The following CLIC6 variants were observed in gnomAD, a reference collection of about 807,000 sequenced individuals.
CLIC6 encodes chloride intracellular channel protein 6.
A neutral mutation model predicts 49.2 loss-of-function variants in CLIC6; 39 were observed. The ratio of observed to expected loss-of-function variants is 0.79; its 90% CI spans 0.61 to 1.04. The LOEUF is 1.04. Among genes scored for constraint, CLIC6 ranks in the 50% least tolerant of loss-of-function variants. The pLI, the probability that CLIC6 is intolerant of heterozygous loss-of-function variation, is 0.00. For synonymous variants in CLIC6, 446 were observed against 433.4 expected, an observed-to-expected ratio of 1.03 and a Z score of -0.36; for missense variants, 988 against 993.1, an observed-to-expected ratio of 0.99 and a Z score of 0.07.
chr21:34,709,435 C>A lies in CLIC6; in HGVS notation c.1796C>A (p.Ala599Asp). The change falls in exon 5 of 6, where the codon GCC becomes GAC. Residue 599 changes from alanine to aspartate, a missense_variant. Coordinates refer to ENST00000349499, the MANE Select transcript of CLIC6 (RefSeq NM_053277.3). Reference protein sequence around the residue: ...LNSPLPDEIDAYSTEDVTVSG... With the variant: ...LNSPLPDEIDDYSTEDVTVSG... ...AGCCCTCTGCCTGATGAAATAGATG[C>A]CTACAGCACCGAGGATGTCACTGTT... 6.2e-7 allele frequency: 1 copy of A among 1,613,896 alleles called. No individual in the cohort carries two copies. The highest frequency in any genetic ancestry group is 8.5e-7 in the Non-Finnish European group (1 of 1,179,796).
chr21:34,693,944 C>CTGTTGTTGT (rs568954883), intron 1 of CLIC6, among the ~76,000 whole-genome samples: 2 of 147,742 alleles, frequency 1.4e-5, no homozygotes, highest in South Asian at 2.1e-4. Context: ...CTTATGAGAT[C>CTGTTGTTGT]TGTTGTTGTT....
rs774979904 is a variant in CLIC6, at chr21:34,709,403, C to T, written c.1764C>T (p.Tyr588=). The T allele has an allele frequency of 9.3e-6, 15 of 1,613,990 alleles. No homozygotes were observed. The highest frequency in any genetic ancestry group is 1.7e-5 in the Admixed American group (1 of 59,998). The change falls in exon 5 of 6, where the codon TAC becomes TAT. Residue 588 remains tyrosine (Y), a synonymous_variant. Coordinates refer to ENST00000349499, the MANE Select transcript of CLIC6 (RefSeq NM_053277.3). Reference sequence around the variant, plus strand: ...AGGCCCTGAGGAAGCTGGATAATTACTTAAATAGCCCTCTGCCTGATGAAA... The same window carrying T: ...AGGCCCTGAGGAAGCTGGATAATTATTTAAATAGCCCTCTGCCTGATGAAA... ...LLKALRKLDN[Y]LNSPLPDEID...
chr21:34,669,309 A>G lies in CLIC6; in HGVS notation c.-80A>G. On this transcript the variant is annotated 5_prime_UTR_variant, in exon 1 of 6. Coordinates refer to ENST00000349499, the MANE Select transcript of CLIC6 (RefSeq NM_053277.3). Reference sequence around the variant, plus strand: ...CTTCAAGGAGCACAGAGGGCCCCGTAGCACGCCCCTTGCCCAGCGCCACCG... The same window carrying G: ...CTTCAAGGAGCACAGAGGGCCCCGTGGCACGCCCCTTGCCCAGCGCCACCG... 1.7e-6 allele frequency: 2 copies of G among 1,144,478 alleles called. No individual in the cohort carries two copies. The highest frequency in any genetic ancestry group is 2.2e-6 in the Non-Finnish European group (2 of 908,698). The allele number at this position is 1,144,478 out of a possible 1,614,324, so 70.9% of individuals were successfully genotyped here.
intron 3 of CLIC6, among the ~76,000 whole-genome samples, chr21:34,708,317 T>G (rs934656312): frequency 5.9e-5 from 9 of 152,198 alleles, no homozygotes; most frequent in African/African-American, 1.7e-4. Flanking sequence ...GGTGGGTGGT[T>G]GGCTGTATCC....
At chr21:34,713,483 C>G (rs2056069405) in intron 5 of CLIC6, among the ~76,000 whole-genome samples, 1 of 152,156 alleles carries the variant, frequency 6.6e-6, no homozygotes, top group Non-Finnish European at 1.5e-5. Flanking sequence ...TTGATTTCCT[C>G]TGACATTCGC....
At chr21:34,713,355 A>C (rs2056068610) in intron 5 of CLIC6, among the ~76,000 whole-genome samples, 1 of 152,222 alleles carries the variant, frequency 6.6e-6, no homozygotes, top group Admixed American at 6.5e-5. Context: ...ATATTATCAC[A>C]AAGGGGATGG....
At chr21:34,697,655 C>T (rs768356553) in intron 1 of CLIC6, among the ~76,000 whole-genome samples, 2 of 152,214 alleles carry the variant, frequency 1.3e-5, no homozygotes, top group Non-Finnish European at 2.9e-5. Context: ...CCAGCTTGCC[C>T]AGGACTTAGG....
At chr21:34,699,415 C>CTTTTTTTTTTTTTTTTTTTTT (rs10604054) in intron 1 of CLIC6, among the ~76,000 whole-genome samples, 1 of 134,844 alleles carries the variant, frequency 7.4e-6, no homozygotes, top group Non-Finnish European at 1.6e-5. Flanking sequence ...CCATACCTGG[C>CTTTTTTTTTTTTTTTTTTTTT]TTTTTTTTTT....
At chr21:34,709,180 T>C (rs552283977) in intron 4 of CLIC6, among the ~76,000 whole-genome samples, 177 bp from the exon 5 acceptor site, 155 of 152,320 alleles carry the variant, frequency 1.0e-3, no homozygotes, top group Non-Finnish European at 1.5e-3. Context: ...CAGTGTGATT[T>C]TCCAGGGAGG....
chr21:34,709,274 G>A, intron 4 of CLIC6, 83 bp from the exon 5 acceptor site: 1 of 1,265,750 alleles, frequency 7.9e-7, no homozygotes, highest in East Asian at 2.3e-5. Flanking sequence ...CAGCGAGGAA[G>A]GGAAGCAAAC....
At chr21:34,714,053 T>C (rs2056072420) in intron 5 of CLIC6, among the ~76,000 whole-genome samples, 1 of 152,232 alleles carries the variant, frequency 6.6e-6, no homozygotes, top group South Asian at 2.1e-4. Flanking sequence ...ATTTTATATC[T>C]AGGCAATTAC....
chr21:34,694,561 C>G (rs913684125), intron 1 of CLIC6, among the ~76,000 whole-genome samples: 1 of 152,188 alleles, frequency 6.6e-6, no homozygotes. Context: ...GGCACCTCCT[C>G]CTTTGCTCTC....
rs1218246675 is a variant in CLIC6, at chr21:34,707,132, T to C, written c.1375-148T>C. ...CCCTACATCCACCGCCAACTCCACA[T>C]TGAGGCTGGTAAAATGGCCTCAGGA... On this transcript the variant is annotated intron_variant, in intron 1 of 5. Coordinates refer to ENST00000349499, the MANE Select transcript of CLIC6 (RefSeq NM_053277.3). 1.2e-5 allele frequency: 8 copies of C among 671,784 alleles called. No individual in the cohort carries two copies. In the East Asian group the frequency reaches 2.2e-4, roughly 18 times the overall value. 41.6% of individuals were successfully genotyped at this position (671,784 alleles called of 1,614,324 possible). A position where few individuals can be genotyped will look rare whatever the true frequency, so the allele number is the denominator to read the frequency against.
chr21:34,679,716 G>T (rs1409102789), intron 1 of CLIC6, among the ~76,000 whole-genome samples: 9 of 152,216 alleles, frequency 5.9e-5, no homozygotes, highest in African/African-American at 1.9e-4. Flanking sequence ...AGGGGCTACA[G>T]GTCCCATGTA....
Position 34,680,628 on chromosome 21 carries a change from A to G in CLIC6, c.1374+9866A>G, listed in dbSNP as rs146609107. ...TTGCCACTTAGAAATTTCTTCCACC[A>G]GATACCCTAAATTATCTCTCTCACA... is the stretch of plus-strand genomic sequence containing the variant. On this transcript the variant is annotated intron_variant, in intron 1 of 5. Coordinates refer to ENST00000349499, the MANE Select transcript of CLIC6 (RefSeq NM_053277.3). 8.0e-3 allele frequency among the ~76,000 whole-genome samples: 1,214 copies of G among 152,298 alleles called. 21 individuals are homozygous for G. Among genetic ancestry groups the G allele is most frequent in the African/African-American group, 0.027 (1,133 of 41,554 alleles).
At position 34,669,523 on chromosome 21, in the gene CLIC6, G is replaced by C; in HGVS notation, c.135G>C (p.Glu45Asp). The C allele has an allele frequency of 8.1e-7, 1 of 1,240,994 alleles. No individual in the cohort carries two copies. Among genetic ancestry groups the C allele is most frequent in the Non-Finnish European group, 1.0e-6 (1 of 993,854 alleles). 76.9% of individuals were successfully genotyped at this position (1,240,994 alleles called of 1,614,324 possible). ...AGGCAGAAGGGCCGGAGGGGAGCGA[G>C]GGCGCAGAGGAGGCGCCGAGGGGCG... ...GGEAEGPEGS[E>D]GAEEAPRGAA... Residue 45 changes from glutamate (E) to aspartate (D), a missense_variant, in exon 1 of 6, where the codon GAG (glutamate) becomes GAC (aspartate). Around this residue, in one of 3 missense-constraint regions of CLIC6, gnomAD observed 284 missense variants for 278.6 expected, o/e 1.02. Coordinates refer to ENST00000349499, the MANE Select transcript of CLIC6 (RefSeq NM_053277.3).
At chr21:34,703,009 G>A (rs919619463) in intron 1 of CLIC6, among the ~76,000 whole-genome samples, 1 of 151,150 alleles carries the variant, frequency 6.6e-6, no homozygotes, top group Admixed American at 6.6e-5. Context: ...GGAATGGAGC[G>A]GCCCATTATC....
intron 1 of CLIC6, among the ~76,000 whole-genome samples, chr21:34,674,988 T>C (rs958345627): frequency 2.6e-5 from 4 of 152,102 alleles, no homozygotes; most frequent in Non-Finnish European, 5.9e-5. Flanking sequence ...GGTGGGACAG[T>C]CTGAGCTACG....
intron 2 of CLIC6, 73 bp downstream of exon 2, chr21:34,707,462 C>T: frequency 2.3e-6 from 2 of 856,782 alleles, no homozygotes; most frequent in Non-Finnish European, 3.9e-6. Context: ...CACACACACA[C>T]ACACACACCT....
Sources: allele counts gnomAD v4.1 joint callset (sites outside exome capture counted in the v4.1 genomes callset), GRCh38; gene constraint gnomAD v4.1.1; regional missense constraint gnomAD v4.1.1; transcripts MANE v1.5; gene names NCBI Gene and HGNC (gene_info 2026-07-23, HGNC 2026-07-21).